The following MTUS2 variants were observed in gnomAD, a reference collection of about 807,000 sequenced individuals.
MTUS2 encodes microtubule-associated tumor suppressor candidate 2.
MTUS2 carries 40 observed loss-of-function variants against 114.1 expected under a neutral mutation model. The ratio of observed to expected loss-of-function variants is 0.35; its 90% CI spans 0.27 to 0.46. MTUS2 has a LOEUF of 0.46. Ranked by LOEUF, MTUS2 falls within the 20% of genes least tolerant of loss-of-function variation. The probability of loss-of-function intolerance (pLI) is 1.00; values close to 1 mark genes in which losing one functional copy is unlikely to be tolerated. For missense variants in MTUS2, 1,679 were observed against 1,705.4 expected (o/e 0.98, Z 0.27); for synonymous variants, 688 against 672.0 (o/e 1.02, Z -0.37).
intron 6 of MTUS2, among the ~76,000 whole-genome samples, chr13:29,297,373 A>G (rs11841312): frequency 0.21 from 31,482 of 152,152 alleles, 3,296 homozygotes; most frequent in African/African-American, 0.22. Flanking sequence ...AACTGTATGC[A>G]TCATGCAGTA....
Position 29,503,887 on chromosome 13 carries a change from T to G in MTUS2, c.*681T>G. On this transcript the variant is annotated 3_prime_UTR_variant, in exon 16 of 16. Coordinates refer to ENST00000612955, the MANE Select transcript of MTUS2 (RefSeq NM_001033602.4). ...TCAACATGATGTGAGATCACTATTA[T>G]TCCATTCGCAAGTTTTAATTATTGA... The G allele has an allele frequency of 4.3e-6, 1 of 232,424 alleles. No homozygotes were observed. The highest frequency in any genetic ancestry group is 8.5e-6 in the Non-Finnish European group (1 of 117,376). 14.4% of individuals were successfully genotyped at this position (232,424 alleles called of 1,614,324 possible). A position where few individuals can be genotyped will look rare whatever the true frequency, so the allele number is the denominator to read the frequency against.
At chr13:28,975,764 A>G (rs1256960234) in intron 2 of MTUS2, among the ~76,000 whole-genome samples, 8 of 151,876 alleles carry the variant, frequency 5.3e-5, no homozygotes. Flanking sequence ...GCACAGGAAC[A>G]TGTTGATTAT....
chr13:29,167,704 A>G (rs542387365), intron 5 of MTUS2, among the ~76,000 whole-genome samples: 2 of 152,238 alleles, frequency 1.3e-5, no homozygotes, highest in African/African-American at 4.8e-5. Context: ...AAATGCTCCA[A>G]AATCCAAAAC....
intron 4 of MTUS2, among the ~76,000 whole-genome samples, chr13:29,081,370 G>T (rs1023145081): frequency 2.0e-5 from 3 of 152,032 alleles, no homozygotes; most frequent in Non-Finnish European, 4.4e-5. Flanking sequence ...TCTAACTGAC[G>T]ACTAAAACAT....
chr13:29,109,577 A>G (rs1890803243), intron 5 of MTUS2, among the ~76,000 whole-genome samples: 1 of 152,166 alleles, frequency 6.6e-6, no homozygotes, highest in African/African-American at 2.4e-5. Context: ...ACTTTGGGCA[A>G]GTTGCTTAAT....
rs112091324 is a variant in MTUS2 at position 29,504,278 on chromosome 13, T to G, written c.*1072T>G. The G allele has an allele frequency of 5.3e-4, 124 of 232,476 alleles. No homozygotes were observed. The highest frequency in any genetic ancestry group is 9.0e-4 in the Non-Finnish European group (106 of 117,326). 14.4% of individuals were successfully genotyped at this position (232,476 alleles called of 1,614,324 possible). On this transcript the variant is annotated 3_prime_UTR_variant, in exon 16 of 16. Transcript: ENST00000612955. ...TGCGATGCTGTAAATGATCAACTCTTTGAAATAGGACCCTCAGGCCCCCAT... is the reference window on the plus strand; with the variant it reads ...TGCGATGCTGTAAATGATCAACTCTGTGAAATAGGACCCTCAGGCCCCCAT...
chr13:29,151,766 GT>G (rs529921791), intron 5 of MTUS2, among the ~76,000 whole-genome samples: 245 of 152,236 alleles, frequency 1.6e-3, no homozygotes, highest in African/African-American at 5.6e-3. Flanking sequence ...TTTATCAGAA[GT>G]TTTAATGCAT....
chr13:29,275,727 C>G (rs73168232), intron 5 of MTUS2, among the ~76,000 whole-genome samples: 6,440 of 152,234 alleles, frequency 0.042, 396 homozygotes, highest in East Asian at 0.26. Context: ...CTGAATAGTT[C>G]TCCATTGTAT....
Position 29,401,406 on chromosome 13 carries a change from T to C in MTUS2, c.3118-38577T>C, listed in dbSNP as rs370522142. Among the ~76,000 whole-genome samples the C allele has an allele frequency of 7.2e-5, 11 of 152,340 alleles. No individual in the cohort carries two copies. The South Asian group carries it at 1.0e-3, about 14-fold the overall frequency. On this transcript the variant is annotated intron_variant, in intron 8 of 15. Transcript: ENST00000612955. ...GAAATCTATGACTGTTCCCTTTATG[T>C]CTTATGGGTTTGATTCATACTTAGG...
At chr13:29,164,019 A>G (rs1893210791) in intron 5 of MTUS2, among the ~76,000 whole-genome samples, 1 of 152,152 alleles carries the variant, frequency 6.6e-6, no homozygotes, top group Non-Finnish European at 1.5e-5. Flanking sequence ...CTGGCTTGAA[A>G]GTGGCTCAGA....
intron 5 of MTUS2, among the ~76,000 whole-genome samples, chr13:29,259,208 G>T (rs1320269150): frequency 6.6e-6 from 1 of 152,182 alleles, no homozygotes; most frequent in Non-Finnish European, 1.5e-5. Flanking sequence ...TTCTGCCCCC[G>T]CACAGCTGGT....
intron 8 of MTUS2, among the ~76,000 whole-genome samples, chr13:29,389,323 ATGTGTGTATATATGTATGCACGTG>A: frequency 1.6e-5 from 1 of 62,220 alleles, no homozygotes; most frequent in East Asian, 4.4e-4. Context: ...GTATACACAT[ATGTGTGTATATATGTATGCACGTG>A]TGTGTATATA....
intron 2 of MTUS2, among the ~76,000 whole-genome samples, chr13:29,005,865 A>G (rs913902675): frequency 1.3e-5 from 2 of 152,244 alleles, no homozygotes; most frequent in African/African-American, 2.4e-5. Context: ...AATATGCTCC[A>G]TGGATGTAAT....
At chr13:29,049,516 G>A (rs567216563) in intron 4 of MTUS2, among the ~76,000 whole-genome samples, 12 of 152,320 alleles carry the variant, frequency 7.9e-5, no homozygotes, top group Admixed American at 4.6e-4. Context: ...AAGGAATGTC[G>A]AGGACTGTTC....
At chr13:29,293,213 A>C (rs979510182) in intron 6 of MTUS2, among the ~76,000 whole-genome samples, 2 of 152,188 alleles carry the variant, frequency 1.3e-5, no homozygotes, top group Admixed American at 6.5e-5. Flanking sequence ...CAAACTGTGA[A>C]TATACATGCA....
intron 7 of MTUS2, among the ~76,000 whole-genome samples, chr13:29,338,205 A>G (rs1901182648): frequency 6.6e-6 from 1 of 152,178 alleles, no homozygotes; most frequent in African/African-American, 2.4e-5. Context: ...TTCTCCTAAC[A>G]GTACATTTTG....
chr13:29,102,353 G>A (rs1400429553), intron 5 of MTUS2, among the ~76,000 whole-genome samples: 2 of 152,132 alleles, frequency 1.3e-5, no homozygotes, highest in East Asian at 3.9e-4. Context: ...AAGGAGTTAA[G>A]ATTTTGATGT....
At chr13:29,260,036 C>T (rs989481870) in intron 5 of MTUS2, among the ~76,000 whole-genome samples, 2 of 152,178 alleles carry the variant, frequency 1.3e-5, no homozygotes, top group South Asian at 2.1e-4. Context: ...AGCCAACAGC[C>T]GGAGCAAAGA....
chr13:29,300,420 A>G lies in MTUS2; in HGVS notation c.2806+18555A>G, dbSNP rs185945756. 7.0e-4 allele frequency among the ~76,000 whole-genome samples: 106 copies of G among 152,308 alleles called. 1 individual carries two copies. Among genetic ancestry groups the G allele is most frequent in the Middle Eastern group, 6.8e-3 (2 of 294 alleles). On this transcript the variant is annotated intron_variant, in intron 6 of 15. Transcript: ENST00000612955. ...AGCTATGGGAGCTTGTCCAACAGTA[A>G]TTAATGCAGATGGTCTTTTGGAGCT...
Sources: allele counts gnomAD v4.1 joint callset (sites outside exome capture counted in the v4.1 genomes callset), GRCh38; gene constraint gnomAD v4.1.1; transcripts MANE v1.5; gene names NCBI Gene and HGNC (gene_info 2026-07-23, HGNC 2026-07-21).